The following PRKCQ variants were observed in gnomAD, a reference collection of about 807,000 sequenced individuals.
The protein encoded by PRKCQ is protein kinase C theta type.
Under a neutral mutation model 91.2 loss-of-function variants are expected in PRKCQ, and 41 were observed. That is an observed-to-expected ratio of 0.45 (90% CI 0.35 to 0.58). The LOEUF is 0.58. Ranked by LOEUF, PRKCQ falls within the 20% of genes least tolerant of loss-of-function variation. The pLI is 0.00. For missense variants in PRKCQ, 673 were observed against 896.5 expected (o/e 0.75, Z 3.18); for synonymous variants, 307 against 316.9 (o/e 0.97, Z 0.33).
At chr10:6,438,728 T>A (rs1033614846) in intron 16 of PRKCQ, among the ~76,000 whole-genome samples, 2 of 152,176 alleles carry the variant, frequency 1.3e-5, no homozygotes, top group African/African-American at 4.8e-5. Context: ...CCTGAGTAGC[T>A]GAGACCATAG....
chr10:6,469,950 C>A (rs1299217228), intron 12 of PRKCQ, among the ~76,000 whole-genome samples: 1 of 152,174 alleles, frequency 6.6e-6, no homozygotes, highest in African/African-American at 2.4e-5. Context: ...CCTGAATAGT[C>A]TCCCTCTTGT....
At chr10:6,442,959 T>A (rs687083) in intron 15 of PRKCQ, among the ~76,000 whole-genome samples, 6,020 of 151,902 alleles carry the variant, frequency 0.04, 155 homozygotes, top group African/African-American at 0.07. Flanking sequence ...AGAAACTCCA[T>A]CTCAAAAACA....
At chr10:6,486,510 G>T (rs1836929680) in intron 8 of PRKCQ, among the ~76,000 whole-genome samples, 1 of 152,220 alleles carries the variant, frequency 6.6e-6, no homozygotes, top group Non-Finnish European at 1.5e-5. Context: ...TTTGCATGTA[G>T]TTAAAAGTGG....
chr10:6,415,405 C>CATATAT, the PRKCQ span, among the ~76,000 whole-genome samples: 196 of 104,808 alleles, frequency 1.9e-3, 2 homozygotes, highest in African/African-American at 2.9e-3. Flanking sequence ...CAAGAAAATA[C>CATATAT]ATATATATAT....
At chr10:6,577,852 A>G (rs955746818) in intron 1 of PRKCQ, among the ~76,000 whole-genome samples, 3 of 152,234 alleles carry the variant, frequency 2.0e-5, no homozygotes, top group Non-Finnish European at 4.4e-5. Flanking sequence ...ACACGTTATA[A>G]GGAGATTTGT....
intron 15 of PRKCQ, among the ~76,000 whole-genome samples, chr10:6,445,614 C>T (rs113556026): frequency 0.01 from 1,535 of 152,240 alleles, 55 homozygotes; most frequent in East Asian, 0.049. Flanking sequence ...CACTTGTCCC[C>T]GTTTCTGAAA....
chr10:6,500,876 AGGG>A (rs1380285783), intron 4 of PRKCQ, among the ~76,000 whole-genome samples: 8 of 152,194 alleles, frequency 5.3e-5, no homozygotes, highest in Non-Finnish European at 1.0e-4. Flanking sequence ...CAGTCAAGTC[AGGG>A]AGACGTGGCA....
At chr10:6,573,382 T>C (rs1374081743) in intron 1 of PRKCQ, among the ~76,000 whole-genome samples, 2 of 152,182 alleles carry the variant, frequency 1.3e-5, no homozygotes, top group Non-Finnish European at 2.9e-5. Flanking sequence ...TTGGCTCACC[T>C]CTGAACCCCT....
intron 2 of PRKCQ, 112 bp from the exon 3 acceptor site, chr10:6,511,306 G>T: frequency 9.7e-7 from 1 of 1,026,268 alleles, no homozygotes; most frequent in Non-Finnish European, 1.5e-6. Flanking sequence ...ATAGAATTCT[G>T]TTGGGAAGAC....
At chr10:6,422,068 C>T in the PRKCQ span, among the ~76,000 whole-genome samples, 1 of 152,142 alleles carries the variant, frequency 6.6e-6, no homozygotes, top group African/African-American at 2.4e-5. Flanking sequence ...TTTACTTCTT[C>T]ATATTTAGGT....
chr10:6,540,992 A>G (rs754087019), intron 1 of PRKCQ, among the ~76,000 whole-genome samples: 4 of 152,188 alleles, frequency 2.6e-5, no homozygotes, highest in Non-Finnish European at 5.9e-5. Context: ...GCATCTTTTC[A>G]TGAGTGTCAA....
At chr10:6,577,157 G>A (rs1053528139) in intron 1 of PRKCQ, among the ~76,000 whole-genome samples, 1 of 152,148 alleles carries the variant, frequency 6.6e-6, no homozygotes, top group Non-Finnish European at 1.5e-5. Context: ...TAATCCAGGA[G>A]CAAAAATCTA....
chr10:6,483,569 C>G lies in PRKCQ; in HGVS notation c.1050G>C (p.Leu350Phe). The change falls in exon 11 of 18, where the codon TTG becomes TTC. Residue 350 changes from leucine to phenylalanine, a missense_variant. Transcript: ENST00000263125. Reference sequence around the variant, plus strand: ...GATGGCACATTTTATCCACCTCATCCAACGGAGACTCCCAGGAAATGCCCT... The same window carrying G: ...GATGGCACATTTTATCCACCTCATCGAACGGAGACTCCCAGGAAATGCCCT... The part of the protein sequence containing the change: ...EPQGISWESP[L>F]DEVDKMCHLP... 1 of 1,614,190 alleles carries G rather than the reference C, an allele frequency of 6.2e-7. No individual in the cohort carries two copies. Among genetic ancestry groups the G allele is most frequent in the East Asian group, 2.2e-5 (1 of 44,890 alleles).
chr10:6,555,987 T>C (rs1840397204), intron 1 of PRKCQ, among the ~76,000 whole-genome samples: 1 of 152,028 alleles, frequency 6.6e-6, no homozygotes, highest in African/African-American at 2.4e-5. Flanking sequence ...GAAGCCTGGG[T>C]AACAGAGCGA....
chr10:6,402,498 T>A, the PRKCQ span, among the ~76,000 whole-genome samples: 502 of 151,458 alleles, frequency 3.3e-3, 5 homozygotes, highest in African/African-American at 0.011. Context: ...TGACTCCGCA[T>A]CTCCCTGCTC....
chr10:6,546,404 T>C (rs996829033), intron 1 of PRKCQ, among the ~76,000 whole-genome samples: 18 of 152,134 alleles, frequency 1.2e-4, no homozygotes, highest in Admixed American at 1.0e-3. Flanking sequence ...AATTTCAGCG[T>C]GGTGCAAGGA....
chr10:6,498,112 C>A (rs1837714490), intron 5 of PRKCQ, among the ~76,000 whole-genome samples: 1 of 152,084 alleles, frequency 6.6e-6, no homozygotes. Context: ...AATAAAGATA[C>A]CTTTCACTTC....
chr10:6,536,004 G>A (rs931958906), intron 1 of PRKCQ, among the ~76,000 whole-genome samples: 9 of 152,114 alleles, frequency 5.9e-5, no homozygotes, highest in Admixed American at 2.0e-4. Context: ...AGTGGAGTCA[G>A]GCCCTACCCC....
rs116947187 is a variant in PRKCQ at position 6,447,833 on chromosome 10, G to A, written c.1648-5752C>T. ...ACACGTTTGTAGGTGAGACAGCAGCGGAACACTCATAAAGACCCTGCAGGG... is the reference window on the plus strand; with the variant it reads ...ACACGTTTGTAGGTGAGACAGCAGCAGAACACTCATAAAGACCCTGCAGGG... On this transcript the variant is annotated intron_variant, in intron 15 of 17. Coordinates refer to ENST00000263125, the MANE Select transcript of PRKCQ (RefSeq NM_006257.5). Among the ~76,000 whole-genome samples, 261 of 152,272 alleles carry A rather than the reference G, an allele frequency of 1.7e-3. 7 individuals carry two copies. The East Asian group carries it at 0.03, about 18-fold the overall frequency.
Sources: gnomAD v4.1 joint callset for allele counts (sites outside exome capture counted in the v4.1 genomes callset) on GRCh38, gnomAD v4.1.1 for gene constraint, MANE v1.5 for transcripts, NCBI Gene and HGNC (gene_info 2026-07-23, HGNC 2026-07-21) for gene names.